RAB20: variants seen among roughly 807,000 people sequenced by gnomAD.
The protein encoded by RAB20 is RAB20, member RAS oncogene family.
In RAB20, 2 loss-of-function variants were observed where a neutral mutation model predicts 3.7. The observed-to-expected ratio is 0.54, with a 90% CI of 0.22 to 1.69. The LOEUF (loss-of-function observed/expected upper bound fraction) is 1.69. Ranked by LOEUF, RAB20 falls within the 40% of genes most tolerant of loss-of-function variation. The pLI is 0.19. For synonymous variants in RAB20, 126 were observed against 130.8 expected, an observed-to-expected ratio of 0.96 and a Z score of 0.25; for missense variants, 276 against 311.9, an observed-to-expected ratio of 0.88 and a Z score of 0.87.
At chr13:110,527,450 G>T (rs1299798641) in intron 1 of RAB20, among the ~76,000 whole-genome samples, 2 of 152,106 alleles carry the variant, frequency 1.3e-5, no homozygotes, top group African/African-American at 4.8e-5. Context: ...GACCAGCTCC[G>T]GTAGGAGTCA....
intron 1 of RAB20, among the ~76,000 whole-genome samples, chr13:110,547,537 T>C (rs1884875300): frequency 6.6e-6 from 1 of 152,160 alleles, no homozygotes; most frequent in Non-Finnish European, 1.5e-5. Flanking sequence ...CTTGGAGCAA[T>C]TCCTTTCCAG....
chr13:110,550,129 G>A (rs918898228), intron 1 of RAB20, among the ~76,000 whole-genome samples: 4 of 152,060 alleles, frequency 2.6e-5, no homozygotes, highest in Non-Finnish European at 2.9e-5. Flanking sequence ...CCAGAAAGCC[G>A]AGCACATGGA....
rs146792319 is a variant in RAB20 at position 110,561,434 on chromosome 13, C to G, written c.86G>C (p.Arg29Pro). The G allele has an allele frequency of 2.2e-5, 36 of 1,609,410 alleles. No homozygotes were observed. Among genetic ancestry groups the G allele is most frequent in the Non-Finnish European group, 3.0e-5 (35 of 1,177,918 alleles). ...CACCGTGCTGACCGTGTCCGGGAAG[C>G]GCCGCTCCATATACCGCTGCAGCAG... is the stretch of plus-strand genomic sequence containing the variant. ...TSLLQRYMER[R>P]FPDTVSTVGG... is the part of the protein sequence containing the mutation. Residue 29 changes from arginine to proline, a missense_variant, in exon 1 of 2, where the codon CGC becomes CCC. Transcript: ENST00000267328.
chr13:110,553,590 G>C (rs921972474), intron 1 of RAB20, among the ~76,000 whole-genome samples: 1 of 152,206 alleles, frequency 6.6e-6, no homozygotes, highest in Non-Finnish European at 1.5e-5. Flanking sequence ...GCATTTAAGT[G>C]CATGCATGTG....
In RAB20 at chr13:110,524,106, C is replaced by T; in HGVS notation, c.264G>A (p.Leu88=). Residue 88 remains leucine (L), a synonymous_variant, in exon 2 of 2, where the codon CTG becomes CTA. Transcript: ENST00000267328. ...CCAGGAACCGGTCCTCCAGCTCCACCAGGCTCTGCCGGTGATTCACATCAT... is the reference window on the plus strand; with the variant it reads ...CCAGGAACCGGTCCTCCAGCTCCACTAGGCTCTGCCGGTGATTCACATCAT... ...LTYDVNHRQS[L]VELEDRFLGL... is the part of the protein sequence containing the mutation. 6.2e-7 allele frequency: 1 copy of T among 1,613,120 alleles called. No individual in the cohort carries two copies. Among genetic ancestry groups the T allele is most frequent in the African/African-American group, 1.3e-5 (1 of 75,060 alleles).
intron 1 of RAB20, among the ~76,000 whole-genome samples, chr13:110,550,916 T>C (rs1233331199): frequency 6.6e-6 from 1 of 152,196 alleles, no homozygotes; most frequent in African/African-American, 2.4e-5. Flanking sequence ...GGATACCATA[T>C]AATTAATGTC....
chr13:110,545,448 T>G (rs1884835579), intron 1 of RAB20, among the ~76,000 whole-genome samples: 1 of 152,258 alleles, frequency 6.6e-6, no homozygotes, highest in Non-Finnish European at 1.5e-5. Flanking sequence ...GAATGCTCTT[T>G]GTCTGTGGTC....
chr13:110,548,104 A>C (rs1884887175), intron 1 of RAB20, among the ~76,000 whole-genome samples: 1 of 152,234 alleles, frequency 6.6e-6, no homozygotes, highest in Admixed American at 6.5e-5. Flanking sequence ...GACTACAAAA[A>C]TAAAAGACAC....
chr13:110,546,937 G>C (rs1023724469), intron 1 of RAB20, among the ~76,000 whole-genome samples: 1 of 151,960 alleles, frequency 6.6e-6, no homozygotes, highest in Non-Finnish European at 1.5e-5. Context: ...ACAGGGTCTC[G>C]CTATGTTGCC....
rs1275318591 is a variant in RAB20, at chr13:110,561,405, C to T, written c.115G>A (p.Gly39Ser). 6.2e-7 allele frequency: 1 copy of T among 1,609,862 alleles called. No individual in the cohort carries two copies. Among genetic ancestry groups the T allele is most frequent in the East Asian group, 2.3e-5 (1 of 44,192 alleles). Reference protein sequence around the residue: ...RFPDTVSTVGGAFYLKQWRSY... With the variant: ...RFPDTVSTVGSAFYLKQWRSY... ...CGCCACTGCTTCAGGTAGAAGGCGC[C>T]GCCCACCGTGCTGACCGTGTCCGGG... is the stretch of plus-strand genomic sequence containing the variant. Residue 39 changes from glycine to serine, a missense_variant, in exon 1 of 2, where the codon GGC (glycine) becomes AGC (serine). By Grantham distance (56) the Gly-to-Ser change is moderately conservative. Coordinates refer to ENST00000267328, the MANE Select transcript of RAB20 (RefSeq NM_017817.3).
At chr13:110,543,910 G>A (rs1480626842) in intron 1 of RAB20, among the ~76,000 whole-genome samples, 1 of 151,838 alleles carries the variant, frequency 6.6e-6, no homozygotes, top group African/African-American at 2.4e-5. Context: ...TGAGTAGCAG[G>A]ATTACAGGCA....
chr13:110,534,936 C>A (rs11619777), intron 1 of RAB20, among the ~76,000 whole-genome samples: 274 of 151,974 alleles, frequency 1.8e-3, no homozygotes, highest in African/African-American at 6.3e-3. Flanking sequence ...TGGGCTCAAG[C>A]GATCCTCCCA....
At chr13:110,552,962 C>A (rs1055323537) in intron 1 of RAB20, among the ~76,000 whole-genome samples, 2 of 152,194 alleles carry the variant, frequency 1.3e-5, no homozygotes, top group African/African-American at 4.8e-5. Context: ...TGCTCGCAAG[C>A]GGCCACTGTG....
chr13:110,561,141 C>A (rs1253688201), intron 1 of RAB20, among the ~76,000 whole-genome samples: 1 of 152,214 alleles, frequency 6.6e-6, no homozygotes, highest in Non-Finnish European at 1.5e-5. Context: ...TTCTCTGCAA[C>A]TTGGGTTGTC....
At chr13:110,544,478 AG>A (rs1884818492) in intron 1 of RAB20, among the ~76,000 whole-genome samples, 1 of 152,208 alleles carries the variant, frequency 6.6e-6, no homozygotes, top group Admixed American at 6.5e-5. Context: ...TGAATCTATG[AG>A]TGGGATTTTA....
Position 110,527,900 on chromosome 13 carries a change from T to TACACACACACACACAC in RAB20, c.173-3719_173-3704dup, listed in dbSNP as rs61582404. On this transcript the variant is annotated intron_variant, in intron 1 of 1. Coordinates refer to ENST00000267328, the MANE Select transcript of RAB20 (RefSeq NM_017817.3). The stretch of plus-strand genomic sequence containing the variant: ...ATAGCAAGGCTCCTATCTCTACAAA[T>TACACACACACACACAC]ACACACACACACACACACACACACA... Among the ~76,000 whole-genome samples the TACACACACACACACAC allele has an allele frequency of 4.8e-3, 666 of 138,176 alleles. 7 individuals are homozygous for TACACACACACACACAC. Among genetic ancestry groups the TACACACACACACACAC allele is most frequent in the Non-Finnish European group, 5.9e-3 (382 of 64,690 alleles). The allele number at this position is 138,176 out of a possible 152,430, so 90.6% of individuals were successfully genotyped here. A position where few individuals can be genotyped will look rare whatever the true frequency, so the allele number is the denominator to read the frequency against.
At chr13:110,542,959 C>G (rs1332854822) in intron 1 of RAB20, among the ~76,000 whole-genome samples, 1 of 152,164 alleles carries the variant, frequency 6.6e-6, no homozygotes, top group Admixed American at 6.5e-5. Flanking sequence ...CAGCACTTAC[C>G]CTTTGTCTTT....
At chr13:110,537,557 A>G (rs772725483) in intron 1 of RAB20, among the ~76,000 whole-genome samples, 7 of 151,952 alleles carry the variant, frequency 4.6e-5, no homozygotes, top group Non-Finnish European at 1.0e-4. Context: ...AAAGTGTCTC[A>G]TCATAAACAG....
intron 1 of RAB20, among the ~76,000 whole-genome samples, chr13:110,535,076 C>T (rs941060332): frequency 1.3e-5 from 2 of 152,168 alleles, no homozygotes; most frequent in African/African-American, 4.8e-5. Context: ...TCAAGTGATC[C>T]CCCCGCTTTG....
Sources: gnomAD v4.1 joint callset for allele counts (sites outside exome capture counted in the v4.1 genomes callset) on GRCh38, gnomAD v4.1.1 for gene constraint, MANE v1.5 for transcripts, NCBI Gene and HGNC (gene_info 2026-07-23, HGNC 2026-07-21) for gene names.